Variants in PLPP4 observed in about 807,000 individuals in gnomAD.
The protein encoded by PLPP4 is phospholipid phosphatase 4.
A neutral mutation model predicts 32.2 loss-of-function variants in PLPP4; 20 were observed. The ratio of observed to expected loss-of-function variants is 0.62; its 90% CI spans 0.44 to 0.90. The LOEUF (loss-of-function observed/expected upper bound fraction) is 0.90. Ranked by LOEUF, PLPP4 falls within the 40% of genes least tolerant of loss-of-function variation. The pLI, the probability that PLPP4 is intolerant of heterozygous loss-of-function variation, is 0.00. For missense variants in PLPP4, 257 were observed against 353.1 expected (o/e 0.73, Z 2.18); for synonymous variants, 127 against 133.0 (o/e 0.95, Z 0.31).
At chr10:120,457,543 C>T (rs970168257) in intron 1 of PLPP4, among the ~76,000 whole-genome samples, 182 bp downstream of exon 1, 1 of 152,160 alleles carries the variant, frequency 6.6e-6, no homozygotes, top group Non-Finnish European at 1.5e-5. Flanking sequence ...CTCTCTCCTT[C>T]CTGGGACCCT....
At chr10:120,528,374 G>T (rs796564448) in intron 5 of PLPP4, among the ~76,000 whole-genome samples, 43 of 152,174 alleles carry the variant, frequency 2.8e-4, no homozygotes, top group African/African-American at 1.0e-3. Context: ...ACGCCCGGCC[G>T]CCACTCTCCT....
rs1849919085 is a variant in PLPP4 at position 120,589,477 on chromosome 10, A to T, written c.791A>T (p.Glu264Val). ...GACAGCGCACCCAGCTTGCCTCTGG[A>T]GGGGATCACCGAAGGCCCGGTATGA... ...TADSAPSLPL[E>V]GITEGPV The change falls in exon 7 of 7, where the codon GAG (glutamate) becomes GTG (valine). Residue 264 changes from glutamate to valine, a missense_variant. By Grantham distance (121) the Glu-to-Val change is moderately radical (BLOSUM62 -2). Coordinates refer to ENST00000398250, the MANE Select transcript of PLPP4 (RefSeq NM_001030059.3). 2 of 1,614,048 alleles carry T rather than the reference A, an allele frequency of 1.2e-6. No homozygotes were observed. Among genetic ancestry groups the T allele is most frequent in the African/African-American group, 2.7e-5 (2 of 74,934 alleles).
chr10:120,513,008 G>A (rs530495973), intron 2 of PLPP4, among the ~76,000 whole-genome samples: 92 of 152,180 alleles, frequency 6.0e-4, no homozygotes, highest in African/African-American at 2.2e-3. Flanking sequence ...TTTGTGAGAT[G>A]TTCAGTCTCT....
chr10:120,514,663 A>G (rs1845866304), intron 3 of PLPP4, among the ~76,000 whole-genome samples: 1 of 152,218 alleles, frequency 6.6e-6, no homozygotes, highest in African/African-American at 2.4e-5. Context: ...GGTCTTCATG[A>G]TAATCAAATC....
At chr10:120,485,694 G>A (rs1186700164) in intron 1 of PLPP4, among the ~76,000 whole-genome samples, 2 of 151,948 alleles carry the variant, frequency 1.3e-5, no homozygotes, top group African/African-American at 4.8e-5. Context: ...AAATAAATGA[G>A]GTAAAGACAA....
intron 1 of PLPP4, among the ~76,000 whole-genome samples, chr10:120,478,489 A>G (rs1844036097): frequency 6.6e-6 from 1 of 152,254 alleles, no homozygotes; most frequent in South Asian, 2.1e-4. Context: ...AAACAAGCAT[A>G]GGCTTGATGT....
In PLPP4 at chr10:120,505,051, G is replaced by C. The variant is rs1346227594; in HGVS notation, c.165+1125G>C. 2.6e-5 allele frequency among the ~76,000 whole-genome samples: 4 copies of C among 152,364 alleles called. No individual in the cohort carries two copies. The South Asian group carries it at 8.3e-4, about 32-fold the overall frequency. ...TTTACATTTCACTGCCTATATGCCA[G>C]GCTTTTTGCGGAGAGCTTAAGAAAT... On this transcript the variant is annotated intron_variant, in intron 2 of 6. Transcript: ENST00000398250.
At chr10:120,574,166 ACACTCTCTCTCTCTCTCTCTCTCTCT>A (rs1849089649) in intron 5 of PLPP4, among the ~76,000 whole-genome samples, 4 of 48,022 alleles carry the variant, frequency 8.3e-5, no homozygotes, top group African/African-American at 3.4e-4. Flanking sequence ...ACACACACAC[ACACTCTCTCTCTCTCTCTCTCTCTCT>A]CTCTCTCTCT....
chr10:120,529,189 T>C (rs1046217178), intron 5 of PLPP4, among the ~76,000 whole-genome samples: 7 of 150,562 alleles, frequency 4.6e-5, no homozygotes, highest in East Asian at 1.9e-4. Flanking sequence ...AGTGTGCGTG[T>C]GTGTGTGTGT....
intron 5 of PLPP4, among the ~76,000 whole-genome samples, chr10:120,563,962 T>C (rs117298071): frequency 0.044 from 6,706 of 152,118 alleles, 253 homozygotes; most frequent in South Asian, 0.2. Flanking sequence ...TTTGAGCCTC[T>C]TTACTGTATG....
chr10:120,504,376 CTTAAATAGGTAA>C (rs1564801318), intron 2 of PLPP4, among the ~76,000 whole-genome samples: 2 of 152,164 alleles, frequency 1.3e-5, no homozygotes, highest in Non-Finnish European at 2.9e-5. Flanking sequence ...TGAAAACTTT[CTTAAATAGGTAA>C]AGGCAAGGGA....
intron 1 of PLPP4, among the ~76,000 whole-genome samples, chr10:120,458,474 G>A (rs1038435110): frequency 4.6e-5 from 7 of 152,190 alleles, no homozygotes; most frequent in African/African-American, 1.4e-4. Flanking sequence ...CATGGCAGGT[G>A]TGCTGTGTCA....
intron 5 of PLPP4, among the ~76,000 whole-genome samples, chr10:120,549,905 C>T (rs1256722371): frequency 6.6e-6 from 1 of 151,942 alleles, no homozygotes; most frequent in African/African-American, 2.4e-5. Context: ...AGATTGAATG[C>T]TTTTCCTGTT....
At chr10:120,582,197 C>T (rs1331762381) in intron 6 of PLPP4, among the ~76,000 whole-genome samples, 2 of 152,170 alleles carry the variant, frequency 1.3e-5, no homozygotes, top group Non-Finnish European at 2.9e-5. Flanking sequence ...ATTGTCTCAC[C>T]GTTCTGGAGG....
In PLPP4 at chr10:120,591,741, G is replaced by A. The variant is rs1272159459; in HGVS notation, c.*2239G>A. 6.6e-6 allele frequency among the ~76,000 whole-genome samples: 1 copy of A among 151,988 alleles called. No homozygotes were observed. Among genetic ancestry groups the A allele is most frequent in the Non-Finnish European group, 1.5e-5 (1 of 68,004 alleles). On this transcript the variant is annotated 3_prime_UTR_variant, in exon 7 of 7. Transcript: ENST00000398250. The stretch of plus-strand genomic sequence containing the variant: ...GACTTAAAATTCTGGACCATCAAGT[G>A]TAAATTTAATATAAATAATTTTATT...
At chr10:120,490,175 C>T (rs1244927424) in intron 1 of PLPP4, among the ~76,000 whole-genome samples, 2 of 152,234 alleles carry the variant, frequency 1.3e-5, no homozygotes, top group Non-Finnish European at 2.9e-5. Flanking sequence ...GCAACCATTC[C>T]TGGTCCTTGA....
At chr10:120,517,319 CA>C (rs1473328857) in intron 3 of PLPP4, among the ~76,000 whole-genome samples, 1 of 152,170 alleles carries the variant, frequency 6.6e-6, no homozygotes, top group Admixed American at 6.5e-5. Flanking sequence ...TGTTAATTAT[CA>C]GGGTTTGTGG....
intron 1 of PLPP4, among the ~76,000 whole-genome samples, chr10:120,480,488 G>A (rs1346627066): frequency 6.6e-6 from 1 of 152,082 alleles, no homozygotes; most frequent in East Asian, 1.9e-4. Flanking sequence ...CTAATATATT[G>A]AATAATAGAA....
intron 1 of PLPP4, among the ~76,000 whole-genome samples, chr10:120,492,535 T>C (rs539095231): frequency 6.6e-6 from 1 of 152,352 alleles, no homozygotes; most frequent in East Asian, 1.9e-4. Context: ...ACGTCCATTC[T>C]GCATTACCTC....
Sources: allele counts gnomAD v4.1 joint callset (sites outside exome capture counted in the v4.1 genomes callset), GRCh38; gene constraint gnomAD v4.1.1; transcripts MANE v1.5; gene names NCBI Gene and HGNC (gene_info 2026-07-23, HGNC 2026-07-21).